The following TRAP1 variants were observed in gnomAD, a reference collection of about 807,000 sequenced individuals.
TRAP1 encodes TNF receptor associated protein 1, also known as heat shock protein 75 kDa, mitochondrial.
In TRAP1, 102 loss-of-function variants were observed where a neutral mutation model predicts 89.1. That is an observed-to-expected ratio of 1.15 (90% CI 0.98 to 1.35). TRAP1 has a LOEUF of 1.35. Ranked by LOEUF, TRAP1 falls within the 40% of genes most tolerant of loss-of-function variation. The probability of loss-of-function intolerance (pLI) is 0.00; values close to 1 mark genes in which losing one functional copy is unlikely to be tolerated. For missense variants in TRAP1, 1,256 were observed against 945.3 expected, an observed-to-expected ratio of 1.33 and a Z score of -4.31; for synonymous variants, 508 against 388.0, an observed-to-expected ratio of 1.31 and a Z score of -3.64.
intron 1 of TRAP1, among the ~76,000 whole-genome samples, chr16:3,693,680 C>T (rs2051247209): frequency 6.6e-6 from 1 of 152,162 alleles, no homozygotes. Flanking sequence ...GCACCACAAA[C>T]TAGGCAGTTT....
chr16:3,660,255 C>A (rs1469091661), intron 16 of TRAP1: 2 of 152,224 alleles, frequency 1.3e-5, no homozygotes, highest in Non-Finnish European at 2.9e-5. Flanking sequence ...GCTGGCTGCA[C>A]TGGGGACACA....
At chr16:3,670,139 T>C (rs745564434) in intron 11 of TRAP1, among the ~76,000 whole-genome samples, 10 of 151,676 alleles carry the variant, frequency 6.6e-5, no homozygotes, top group Non-Finnish European at 1.5e-4. Flanking sequence ...TCCCAGCACT[T>C]TGGGAGGCCA....
chr16:3,679,393 T>C (rs1006964027), intron 5 of TRAP1, among the ~76,000 whole-genome samples: 5 of 152,228 alleles, frequency 3.3e-5, no homozygotes, highest in African/African-American at 1.2e-4. Context: ...ATTTACATTC[T>C]ATCAGGTATT....
At chr16:3,716,907 A>C (rs117062137) in intron 1 of TRAP1, among the ~76,000 whole-genome samples, 2,412 of 152,312 alleles carry the variant, frequency 0.016, 46 homozygotes, top group South Asian at 0.052. Context: ...CAGAACCTGC[A>C]CGGCGCCGGG....
intron 11 of TRAP1, among the ~76,000 whole-genome samples, chr16:3,668,769 C>T (rs1019281567): frequency 1.3e-5 from 2 of 152,196 alleles, no homozygotes; most frequent in African/African-American, 4.8e-5. Context: ...GCAGGACCAC[C>T]CCTCTGTGAC....
At chr16:3,707,772 T>C (rs2051469583) in intron 1 of TRAP1, among the ~76,000 whole-genome samples, 1 of 150,508 alleles carries the variant, frequency 6.6e-6, no homozygotes, top group Non-Finnish European at 1.5e-5. Context: ...GAGACTTGCT[T>C]GCACTCGGGA....
intron 14 of TRAP1, 69 bp downstream of exon 14, chr16:3,663,355 G>A (rs971616034): frequency 8.8e-6 from 14 of 1,587,046 alleles, no homozygotes; most frequent in Admixed American, 1.7e-5. Flanking sequence ...GGAAGCCCTC[G>A]CTGCGGGGCA....
intron 1 of TRAP1, among the ~76,000 whole-genome samples, chr16:3,713,747 A>T (rs1472031171): frequency 6.6e-6 from 1 of 152,150 alleles, no homozygotes; most frequent in Non-Finnish European, 1.5e-5. Context: ...TCTGCTGTTG[A>T]TCTTTCCAGG....
chr16:3,703,781 C>T (rs372962281), intron 1 of TRAP1, among the ~76,000 whole-genome samples: 65 of 151,880 alleles, frequency 4.3e-4, no homozygotes, highest in Non-Finnish European at 3.1e-4. Context: ...TTTGGGAGGC[C>T]GAGGCGGGCA....
intron 1 of TRAP1, among the ~76,000 whole-genome samples, chr16:3,694,579 C>T (rs1409259877): frequency 6.6e-6 from 1 of 152,200 alleles, no homozygotes; most frequent in African/African-American, 2.4e-5. Context: ...CTCAAGTGAT[C>T]TGCCCACCTT....
intron 1 of TRAP1, among the ~76,000 whole-genome samples, chr16:3,713,287 C>T (rs909183984): frequency 4.6e-5 from 7 of 152,126 alleles, no homozygotes; most frequent in Non-Finnish European, 8.8e-5. Flanking sequence ...AGGCAAAACC[C>T]GTCAACAAAA....
chr16:3,699,321 C>A (rs2051333064), intron 1 of TRAP1, among the ~76,000 whole-genome samples: 1 of 152,180 alleles, frequency 6.6e-6, no homozygotes, highest in African/African-American at 2.4e-5. Context: ...CTGCACTTAA[C>A]TTTTTATGCT....
chr16:3,677,561 C>CTTTTCT lies in TRAP1; in HGVS notation c.640_641insAGAAAA (p.Asp213_Arg214insLysLys). 6.2e-7 allele frequency: 1 copy of CTTTTCT among 1,614,202 alleles called. No individual in the cohort carries two copies. Among genetic ancestry groups the CTTTTCT allele is most frequent in the South Asian group, 1.1e-5 (1 of 91,086 alleles). ...TGCCGAGCGGGAATAGACCTCCACTCTGTCAGCCACCATGAAAGCTGAGTA... is the reference window on the plus strand; with the variant it reads ...TGCCGAGCGGGAATAGACCTCCACTCTTTTCTTGTCAGCCACCATGAAAGCTGAGTA... On this transcript the variant is annotated inframe_insertion, in exon 6 of 18. Transcript: ENST00000246957.
At position 3,658,192 on chromosome 16, in the gene TRAP1, G is replaced by T. The variant is rs1059857; in HGVS notation, c.2052C>A (p.Asp684Glu). 2 of 1,613,570 alleles carry T rather than the reference G, an allele frequency of 1.2e-6. No individual in the cohort carries two copies. Among genetic ancestry groups the T allele is most frequent in the African/African-American group, 2.7e-5 (2 of 74,816 alleles). ...ENAMIAAGLV[D>E]DPRAMVGRLN... ...AGCGGCCCACCATGGCCCTAGGGTC[G>T]TCAACAAGTCCAGCAGCAATCATGG... Residue 684 changes from aspartate to glutamate, a missense_variant, in exon 18 of 18, where the codon GAC becomes GAA. By Grantham distance (45) the Asp-to-Glu change is conservative (BLOSUM62 2). Transcript: ENST00000246957.
At chr16:3,714,022 T>C (rs61421476) in intron 1 of TRAP1, among the ~76,000 whole-genome samples, 108 of 152,314 alleles carry the variant, frequency 7.1e-4, no homozygotes, top group African/African-American at 2.3e-3. Context: ...ATCAAACCAA[T>C]TATTCAGAGC....
Position 3,676,148 on chromosome 16 carries a change from A to G in TRAP1, c.705-3T>C, listed in dbSNP as rs749095904. 4.3e-6 allele frequency: 7 copies of G among 1,612,226 alleles called. No individual in the cohort carries two copies. Among genetic ancestry groups the G allele is most frequent in the Non-Finnish European group, 5.1e-6 (6 of 1,179,044 alleles). Reference sequence around the variant, plus strand: ...CGGCGATTTCAAACACTCCAGAACTAAGGCAGGCAAAGAAAGGAAAAGCCA... The same window carrying G: ...CGGCGATTTCAAACACTCCAGAACTGAGGCAGGCAAAGAAAGGAAAAGCCA... On this transcript the variant is annotated splice_region_variant and splice_polypyrimidine_tract_variant and intron_variant, in intron 6 of 17. Coordinates refer to ENST00000246957, the MANE Select transcript of TRAP1 (RefSeq NM_016292.3).
Position 3,682,128 on chromosome 16 carries a change from T to C in TRAP1, c.472-2338A>G, listed in dbSNP as rs549058215. Among the ~76,000 whole-genome samples the C allele has an allele frequency of 5.5e-4, 83 of 152,222 alleles. 1 individual carries two copies. In the South Asian group the frequency reaches 0.016, roughly 29 times the overall value. On this transcript the variant is annotated intron_variant, in intron 4 of 17. Transcript: ENST00000246957. ...GGGGGATGATAGGTCTATTAACAGA[T>C]AGTACTGAAACAACTGTACACCCAT...
At chr16:3,714,879 T>C (rs79639764) in intron 1 of TRAP1, among the ~76,000 whole-genome samples, 7,418 of 152,244 alleles carry the variant, frequency 0.049, 540 homozygotes, top group African/African-American at 0.16. Context: ...TCAAGAGGTC[T>C]GGATTTTCTA....
chr16:3,707,072 T>C (rs1005730517), intron 1 of TRAP1, among the ~76,000 whole-genome samples: 1 of 152,170 alleles, frequency 6.6e-6, no homozygotes, highest in Non-Finnish European at 1.5e-5. Flanking sequence ...CTTTAATTTT[T>C]AATTATAGCC....
Sources: allele counts gnomAD v4.1 joint callset (sites outside exome capture counted in the v4.1 genomes callset), GRCh38; gene constraint gnomAD v4.1.1; transcripts MANE v1.5; gene names NCBI Gene and HGNC (gene_info 2026-07-23, HGNC 2026-07-21).